The following RGS3 variants were observed in gnomAD, a reference collection of about 807,000 sequenced individuals.
RGS3 encodes regulator of G-protein signalling 3.
RGS3 carries 80 observed loss-of-function variants against 132.6 expected under a neutral mutation model. The ratio of observed to expected loss-of-function variants is 0.60; its 90% CI spans 0.50 to 0.73. The LOEUF (loss-of-function observed/expected upper bound fraction) is 0.73, where lower values mean the gene tolerates loss of function less well. Among genes scored for constraint, RGS3 ranks in the 30% least tolerant of loss-of-function variants. The probability of loss-of-function intolerance (pLI) is 0.00; values close to 1 mark genes in which losing one functional copy is unlikely to be tolerated. For synonymous variants in RGS3, 598 were observed against 620.6 expected (o/e 0.96, Z 0.54); for missense variants, 1,382 against 1,530.8 (o/e 0.90, Z 1.62).
intron 19 of RGS3, among the ~76,000 whole-genome samples, chr9:113,544,893 C>T (rs1290060087): frequency 1.3e-5 from 2 of 152,216 alleles, no homozygotes; most frequent in African/African-American, 2.4e-5. Context: ...GAGGGATATC[C>T]GGCATGTCAG....
chr9:113,546,598 A>G (rs1481141814), intron 19 of RGS3, among the ~76,000 whole-genome samples: 1 of 152,240 alleles, frequency 6.6e-6, no homozygotes, highest in African/African-American at 2.4e-5. Flanking sequence ...TGTCAGAGCC[A>G]GGACTAGAGC....
chr9:113,452,152 C>G (rs972133259), intron 1 of RGS3, among the ~76,000 whole-genome samples: 3 of 152,068 alleles, frequency 2.0e-5, no homozygotes, highest in African/African-American at 7.2e-5. Flanking sequence ...GCATGCACCA[C>G]CATATCTGGT....
intron 19 of RGS3, among the ~76,000 whole-genome samples, chr9:113,575,726 C>G (rs990403755): frequency 1.3e-5 from 2 of 152,184 alleles, no homozygotes; most frequent in Non-Finnish European, 2.9e-5. Flanking sequence ...CCAGAATTGT[C>G]TCGTCAGTCA....
intron 19 of RGS3, among the ~76,000 whole-genome samples, chr9:113,577,429 C>T (rs1834583631): frequency 1.3e-5 from 2 of 152,074 alleles, no homozygotes; most frequent in South Asian, 4.1e-4. Context: ...GAGGATTGAC[C>T]ATGGGGGTGG....
At chr9:113,519,923 G>A (rs949970094) in intron 16 of RGS3, among the ~76,000 whole-genome samples, 3 of 152,150 alleles carry the variant, frequency 2.0e-5, no homozygotes, top group African/African-American at 7.2e-5. Flanking sequence ...GCGAGGTTCT[G>A]GGAATACCAT....
intron 3 of RGS3, among the ~76,000 whole-genome samples, chr9:113,473,307 G>A (rs547625713): frequency 1.3e-5 from 2 of 152,360 alleles, no homozygotes; most frequent in Middle Eastern, 6.8e-3. Context: ...GAGGCTAACA[G>A]TGGGGGCCCT....
chr9:113,446,623 T>TGGTA (rs1829104697), intron 1 of RGS3, among the ~76,000 whole-genome samples: 1 of 152,202 alleles, frequency 6.6e-6, no homozygotes, highest in Non-Finnish European at 1.5e-5. Context: ...TCCAGGGGAC[T>TGGTA]GGTAGTTCCT....
intron 18 of RGS3, chr9:113,536,539 T>C: frequency 1.6e-6 from 2 of 1,269,890 alleles, no homozygotes; most frequent in Non-Finnish European, 2.0e-6. Flanking sequence ...GCCTCTGCTG[T>C]GTTGGGAGCC....
intron 23 of RGS3, 146 bp from the exon 22 acceptor site, chr9:113,595,453 T>C (rs1835717312): frequency 2.4e-6 from 2 of 843,688 alleles, no homozygotes; most frequent in South Asian, 1.7e-5. Flanking sequence ...TGGGGCCACA[T>C]CCCAGGGCTC....
chr9:113,446,224 G>T (rs1326165358), intron 1 of RGS3, among the ~76,000 whole-genome samples: 1 of 152,098 alleles, frequency 6.6e-6, no homozygotes, highest in East Asian at 1.9e-4. Context: ...ATTGACATAA[G>T]GTACCAGGGT....
At chr9:113,595,805 A>T in intron 24 of RGS3, 40 bp downstream of exon 22, 1 of 1,598,408 alleles carries the variant, frequency 6.3e-7, no homozygotes, top group East Asian at 2.2e-5. Context: ...TCCAATCCCC[A>T]GGGCCCAGTG....
In RGS3 at chr9:113,591,749, C is replaced by T. The variant is rs949225660; in HGVS notation, c.3080+352C>T. The T allele has an allele frequency of 4.3e-6, 1 of 233,190 alleles. No individual in the cohort carries two copies. The highest frequency in any genetic ancestry group is 8.8e-6 in the Non-Finnish European group (1 of 113,506). 14.4% of individuals were successfully genotyped at this position (233,190 alleles called of 1,614,324 possible). A position where few individuals can be genotyped will look rare whatever the true frequency, so the allele number is the denominator to read the frequency against. The stretch of plus-strand genomic sequence containing the variant: ...TGCTCCCTCTGGGCCCAAGAGTGAC[C>T]TGAGAAGGGGTGGAACTGACAGTCA... On this transcript the variant is annotated intron_variant, in intron 21 of 24. Transcript: ENST00000350696. The surrounding 1 kb of genome is among the most constrained non-coding windows in gnomAD (Gnocchi z 4.4).
chr9:113,485,389 C>T (rs576023645), intron 6 of RGS3, among the ~76,000 whole-genome samples: 137 of 152,072 alleles, frequency 9.0e-4, no homozygotes, highest in Middle Eastern at 6.9e-3. Context: ...GTGCCCGGCC[C>T]GAAAATGGAA....
At chr9:113,527,000 G>A (rs1832240615) in intron 17 of RGS3, among the ~76,000 whole-genome samples, 2 of 152,310 alleles carry the variant, frequency 1.3e-5, no homozygotes, top group Admixed American at 6.5e-5. Flanking sequence ...TCAGTTTGTT[G>A]TTCTTTTATG....
chr9:113,553,459 A>AAAAAAATATATATATAT (rs1426114805), intron 19 of RGS3, among the ~76,000 whole-genome samples: 3 of 58,694 alleles, frequency 5.1e-5, no homozygotes, highest in Admixed American at 2.7e-4. Context: ...AAAAAAAAAA[A>AAAAAAATATATATATAT]ATATATATAT....
intron 19 of RGS3, among the ~76,000 whole-genome samples, chr9:113,548,468 G>A (rs1362233977): frequency 6.6e-6 from 1 of 152,212 alleles, no homozygotes; most frequent in African/African-American, 2.4e-5. Flanking sequence ...CCTGCAGCTA[G>A]GAGCATGGCT....
At chr9:113,597,097 G>T in exon 25 of RGS3, 1 of 697,042 alleles carries the variant, frequency 1.4e-6, no homozygotes, top group Non-Finnish European at 2.3e-6. Context: ...CGGAAGCGAG[G>T]CCTGGACCAA....
intron 7 of RGS3, among the ~76,000 whole-genome samples, chr9:113,495,512 G>A (rs1355914113): frequency 1.3e-5 from 2 of 152,214 alleles, no homozygotes; most frequent in Non-Finnish European, 1.5e-5. Flanking sequence ...ATGAAGTACC[G>A]CTGAGCTTCT....
intron 3 of RGS3, among the ~76,000 whole-genome samples, chr9:113,469,381 A>G (rs1829753602): frequency 6.6e-6 from 1 of 152,154 alleles, no homozygotes; most frequent in Non-Finnish European, 1.5e-5. Context: ...TTTGCTGGTC[A>G]TACTCCTCAG....
Sources: gnomAD v4.1 joint callset for allele counts (sites outside exome capture counted in the v4.1 genomes callset) on GRCh38, gnomAD v4.1.1 for gene constraint, Gnocchi (gnomAD v3.1) non-coding constraint, MANE v1.5 for transcripts, NCBI Gene and HGNC (gene_info 2026-07-23, HGNC 2026-07-21) for gene names.